The following MSI2 variants were observed in gnomAD, a reference collection of about 807,000 sequenced individuals.
MSI2 encodes the protein RNA-binding protein Musashi homolog 2.
A neutral mutation model predicts 45.6 loss-of-function variants in MSI2; 17 were observed. The observed-to-expected ratio is 0.37, with a 90% CI of 0.26 to 0.56. The LOEUF is 0.56. Ranked by LOEUF, MSI2 falls within the 20% of genes least tolerant of loss-of-function variation. The pLI is 0.77. For synonymous variants in MSI2, 156 were observed against 158.2 expected, an observed-to-expected ratio of 0.99 and a Z score of 0.11; for missense variants, 293 against 444.2, an observed-to-expected ratio of 0.66 and a Z score of 3.06.
chr17:57,343,604 A>G lies in MSI2; in HGVS notation c.313-57775A>G, dbSNP rs926591313. Reference sequence around the variant, plus strand: ...CAGTTATGAACTTCAGAAATCCAGCATTGATACAGTGCTTTTATGTAATCT... The same window carrying G: ...CAGTTATGAACTTCAGAAATCCAGCGTTGATACAGTGCTTTTATGTAATCT... On this transcript the variant is annotated intron_variant, in intron 5 of 13. Coordinates refer to ENST00000284073, the MANE Select transcript of MSI2 (RefSeq NM_138962.4). Among the ~76,000 whole-genome samples the G allele has an allele frequency of 3.3e-5, 5 of 152,268 alleles. No homozygotes were observed. In the South Asian group the frequency reaches 1.0e-3, roughly 32 times the overall value.
At chr17:57,632,381 A>G (rs1909463689) in intron 10 of MSI2, 2 of 1,065,998 alleles carry the variant, frequency 1.9e-6, no homozygotes, top group Non-Finnish European at 2.3e-6. Flanking sequence ...CTATCTGACT[A>G]TCTTTGTCTT....
intron 5 of MSI2, among the ~76,000 whole-genome samples, chr17:57,350,849 C>T (rs2143840425): frequency 6.6e-6 from 1 of 152,262 alleles, no homozygotes; most frequent in East Asian, 1.9e-4. Context: ...AGGAAACAGA[C>T]ACCTCATGGG....
chr17:57,335,448 G>A (rs1228664294), intron 5 of MSI2, among the ~76,000 whole-genome samples: 7 of 152,182 alleles, frequency 4.6e-5, no homozygotes, highest in Admixed American at 1.3e-4. Flanking sequence ...ATTTGTTTAC[G>A]TATGGCCTAT....
Position 57,564,753 on chromosome 17 carries a change from CT to C in MSI2, c.455-32112del, listed in dbSNP as rs1479432998. On this transcript the variant is annotated intron_variant, in intron 7 of 13. Transcript: ENST00000284073. ...TTAATGCTAAATTGTATGGTATTTCCTTTGCTTGTTCATTCAATAAATGATG... is the reference window on the plus strand; with the variant it reads ...TTAATGCTAAATTGTATGGTATTTCCTTGCTTGTTCATTCAATAAATGATG... 2.0e-5 allele frequency among the ~76,000 whole-genome samples: 3 copies of C among 152,310 alleles called. No homozygotes were observed. The East Asian group carries it at 5.8e-4, about 29-fold the overall frequency.
At chr17:57,513,377 A>G (rs2086399213) in intron 6 of MSI2, among the ~76,000 whole-genome samples, 1 of 152,216 alleles carries the variant, frequency 6.6e-6, no homozygotes, top group African/African-American at 2.4e-5. Flanking sequence ...CCAATGTCAC[A>G]CAGCTAATAA....
intron 5 of MSI2, among the ~76,000 whole-genome samples, chr17:57,372,987 G>T (rs917499942): frequency 2.0e-5 from 3 of 152,130 alleles, no homozygotes; most frequent in Non-Finnish European, 4.4e-5. Context: ...AGGGGCTCAC[G>T]ACTGTAATCC....
intron 7 of MSI2, among the ~76,000 whole-genome samples, chr17:57,579,764 G>A (rs1398874960): frequency 6.6e-6 from 1 of 152,170 alleles, no homozygotes; most frequent in Non-Finnish European, 1.5e-5. Context: ...TCTGATGGGG[G>A]CTAGGAACTG....
At position 57,632,857 on chromosome 17, in the gene MSI2, C is replaced by T. The variant is rs898398721; in HGVS notation, c.727+5554C>T. ...ATTTGAATGTCATTGTCCTTGAGAC[C>T]CTACATGTGCAGTTTGGCTCATCTC... On this transcript the variant is annotated intron_variant, in intron 10 of 13. Coordinates refer to ENST00000284073, the MANE Select transcript of MSI2 (RefSeq NM_138962.4). 6.9e-5 allele frequency: 73 copies of T among 1,063,870 alleles called. No individual in the cohort carries two copies. The African/African-American group carries it at 1.1e-3, about 16-fold the overall frequency. 65.9% of individuals were successfully genotyped at this position (1,063,870 alleles called of 1,614,324 possible). A position where few individuals can be genotyped will look rare whatever the true frequency, so the allele number is the denominator to read the frequency against.
chr17:57,356,188 C>A (rs1916402121), intron 5 of MSI2, among the ~76,000 whole-genome samples: 2 of 152,120 alleles, frequency 1.3e-5, no homozygotes, highest in African/African-American at 2.4e-5. Flanking sequence ...CTTTTTTAAT[C>A]TTTTGCTTAG....
intron 6 of MSI2, among the ~76,000 whole-genome samples, chr17:57,467,458 G>C (rs953793498): frequency 1.4e-4 from 22 of 152,236 alleles, no homozygotes; most frequent in Non-Finnish European, 3.1e-4. Flanking sequence ...TGGACGGATA[G>C]ATGATAGATG....
At chr17:57,696,612 G>GT in the MSI2 span, among the ~76,000 whole-genome samples, 1 of 152,150 alleles carries the variant, frequency 6.6e-6, no homozygotes, top group Non-Finnish European at 1.5e-5. Flanking sequence ...GCAGGTGCCT[G>GT]TAATTCCAGC....
chr17:57,450,613 G>A (rs2084998924), intron 6 of MSI2, among the ~76,000 whole-genome samples: 1 of 132,444 alleles, frequency 7.6e-6, no homozygotes, highest in Admixed American at 8.6e-5. Flanking sequence ...AGAGGCTACA[G>A]TGAGCCAAGA....
At chr17:57,394,261 A>G (rs1406033061) in intron 5 of MSI2, among the ~76,000 whole-genome samples, 2 of 152,206 alleles carry the variant, frequency 1.3e-5, no homozygotes, top group Non-Finnish European at 1.5e-5. Context: ...AGCAGTGAAT[A>G]GGAAGGGCAA....
At chr17:57,355,163 C>A (rs1040310913) in intron 5 of MSI2, among the ~76,000 whole-genome samples, 9 of 152,184 alleles carry the variant, frequency 5.9e-5, no homozygotes, top group Non-Finnish European at 1.0e-4. Flanking sequence ...CCTCATCTCT[C>A]CTCTCTCCTT....
chr17:57,515,848 T>A (rs571576126), intron 6 of MSI2, among the ~76,000 whole-genome samples: 2 of 152,356 alleles, frequency 1.3e-5, no homozygotes, highest in South Asian at 4.1e-4. Context: ...TATAAACAGA[T>A]CTGCCATGGG....
In MSI2 at chr17:57,596,997, C is replaced by T. The variant is rs771095606; in HGVS notation, c.537+47C>T. ...TGAAATGGAATGCCCCCTTTCTCTACGTACACACCCAGTCTTGCAGACTGG... is the reference window on the plus strand; with the variant it reads ...TGAAATGGAATGCCCCCTTTCTCTATGTACACACCCAGTCTTGCAGACTGG... On this transcript the variant is annotated intron_variant, in intron 8 of 13. Coordinates refer to ENST00000284073, the MANE Select transcript of MSI2 (RefSeq NM_138962.4). The surrounding 1 kb of genome is among the most constrained non-coding windows in gnomAD (Gnocchi z 4.6). The T allele has an allele frequency of 3.7e-6, 5 of 1,355,422 alleles. No individual in the cohort carries two copies. The African/African-American group carries it at 4.3e-5, about 12-fold the overall frequency. 84.0% of individuals were successfully genotyped at this position (1,355,422 alleles called of 1,614,324 possible).
intron 5 of MSI2, among the ~76,000 whole-genome samples, chr17:57,355,852 T>C (rs9890459): frequency 0.054 from 8,186 of 152,298 alleles, 694 homozygotes; most frequent in African/African-American, 0.18. Flanking sequence ...CTTTGGAAGA[T>C]GTAAAGTGGC....
In MSI2 at chr17:57,502,602, G is replaced by GATATATATATATATATATATAT. The variant is rs57142800; in HGVS notation, c.406-27060_406-27039dup. 7.4e-4 allele frequency among the ~76,000 whole-genome samples: 40 copies of GATATATATATATATATATATAT among 54,398 alleles called. 3 individuals are homozygous for GATATATATATATATATATATAT. Among genetic ancestry groups the GATATATATATATATATATATAT allele is most frequent in the African/African-American group, 8.1e-4 (14 of 17,384 alleles). 35.7% of individuals were successfully genotyped at this position (54,398 alleles called of 152,430 possible). The stretch of plus-strand genomic sequence containing the variant: ...CAGGGAATGGAGAAGATGACTCTGA[G>GATATATATATATATATATATAT]ATATATATATATATATATATATATA... On this transcript the variant is annotated intron_variant, in intron 6 of 13. Coordinates refer to ENST00000284073, the MANE Select transcript of MSI2 (RefSeq NM_138962.4).
intron 6 of MSI2, among the ~76,000 whole-genome samples, chr17:57,434,793 T>A (rs577462814): frequency 6.7e-6 from 1 of 150,140 alleles, no homozygotes; most frequent in Admixed American, 6.6e-5. Flanking sequence ...TTTTTTTTTA[T>A]CCATTTACCC....
Sources: allele counts gnomAD v4.1 joint callset (sites outside exome capture counted in the v4.1 genomes callset), GRCh38; gene constraint gnomAD v4.1.1; non-coding constraint Gnocchi (gnomAD v3.1); transcripts MANE v1.5; gene names NCBI Gene and HGNC (gene_info 2026-07-23, HGNC 2026-07-21).